DOCK1: variants seen among roughly 807,000 people sequenced by gnomAD.
DOCK1 encodes the protein dedicator of cytokinesis protein 1.
In DOCK1, 138 loss-of-function variants were observed where a neutral mutation model predicts 262.7. That is an observed-to-expected ratio of 0.53 (90% CI 0.46 to 0.61). DOCK1 has a LOEUF of 0.61. Among genes scored for constraint, DOCK1 ranks in the 20% least tolerant of loss-of-function variants. DOCK1 has a pLI of 0.00. For synonymous variants in DOCK1, 866 were observed against 867.4 expected, an observed-to-expected ratio of 1.00 and a Z score of 0.03; for missense variants, 1,908 against 2,370.7, an observed-to-expected ratio of 0.80 and a Z score of 4.05.
chr10:127,104,304 A>G (rs1337437264), intron 23 of DOCK1, among the ~76,000 whole-genome samples: 1 of 152,196 alleles, frequency 6.6e-6, no homozygotes, highest in African/African-American at 2.4e-5. Flanking sequence ...TTTTTCTTTT[A>G]CACATTGTGC....
intron 12 of DOCK1, among the ~76,000 whole-genome samples, chr10:127,016,345 G>A (rs1174101697): frequency 1.3e-5 from 2 of 152,190 alleles, no homozygotes; most frequent in African/African-American, 4.8e-5. Context: ...CTCAGCTCCA[G>A]CTAATGGAAA....
intron 49 of DOCK1, among the ~76,000 whole-genome samples, chr10:127,443,581 C>T (rs1440741007): frequency 6.6e-6 from 1 of 152,118 alleles, no homozygotes; most frequent in Non-Finnish European, 1.5e-5. Flanking sequence ...TTGATGTGCA[C>T]ACGTGGGGCT....
chr10:127,239,849 A>G (rs938067384), intron 27 of DOCK1, among the ~76,000 whole-genome samples: 6 of 152,170 alleles, frequency 3.9e-5, no homozygotes, highest in Admixed American at 3.3e-4. Context: ...GAATTATATT[A>G]AGAAGCTGCA....
At chr10:126,944,094 G>C (rs1410004905) in intron 1 of DOCK1, among the ~76,000 whole-genome samples, 1 of 151,740 alleles carries the variant, frequency 6.6e-6, no homozygotes, top group East Asian at 1.9e-4. Flanking sequence ...CAGCCGTGCA[G>C]GGGAGGTGAT....
intron 14 of DOCK1, among the ~76,000 whole-genome samples, chr10:127,024,216 T>TC (rs2042659841): frequency 6.6e-5 from 10 of 151,874 alleles, no homozygotes; most frequent in South Asian, 2.1e-4. Context: ...GGGTGAACTC[T>TC]GTCCAGCATC....
At chr10:127,160,581 T>C (rs141660976) in intron 27 of DOCK1, among the ~76,000 whole-genome samples, 5 of 152,350 alleles carry the variant, frequency 3.3e-5, no homozygotes, top group African/African-American at 9.6e-5. Context: ...GAGCAGCACG[T>C]TGGATAGTGC....
chr10:127,146,272 T>G (rs930563377), intron 27 of DOCK1, among the ~76,000 whole-genome samples: 2 of 152,218 alleles, frequency 1.3e-5, no homozygotes, highest in African/African-American at 4.8e-5. Context: ...ACTAATTGTT[T>G]CACAAATAAT....
intron 4 of DOCK1, among the ~76,000 whole-genome samples, chr10:126,982,235 G>A (rs1017047133): frequency 6.6e-6 from 1 of 152,080 alleles, no homozygotes; most frequent in Admixed American, 6.6e-5. Context: ...GAAAGCATTC[G>A]CCCTGGTGCT....
At chr10:127,127,803 G>A (rs1391435357) in intron 27 of DOCK1, 39 bp downstream of exon 27, 4 of 1,557,814 alleles carry the variant, frequency 2.6e-6, no homozygotes, top group South Asian at 1.1e-5. Flanking sequence ...ATTTAACTGG[G>A]GCTGACAGCA....
intron 10 of DOCK1, chr10:127,007,575 T>C (rs947797027): frequency 6.6e-6 from 1 of 152,230 alleles, no homozygotes; most frequent in Admixed American, 6.5e-5. Flanking sequence ...TTTCTTGTTC[T>C]GTCATGACCA....
intron 10 of DOCK1, 37 bp from the exon 11 acceptor site, chr10:127,008,695 T>C: frequency 6.5e-7 from 1 of 1,533,106 alleles, no homozygotes; most frequent in African/African-American, 1.4e-5. Context: ...TTATAGCATT[T>C]AAGCCAAAAC....
At chr10:127,000,394 T>G in intron 10 of DOCK1, 87 bp downstream of exon 10, 1 of 1,499,014 alleles carries the variant, frequency 6.7e-7, no homozygotes, top group African/African-American at 1.4e-5. Flanking sequence ...GATTGGACAA[T>G]GCACAGCTGT....
At chr10:127,180,257 G>A (rs1245118464) in intron 27 of DOCK1, among the ~76,000 whole-genome samples, 1 of 152,208 alleles carries the variant, frequency 6.6e-6, no homozygotes, top group Non-Finnish European at 1.5e-5. Context: ...GGAGCACTGA[G>A]TGAATGTTGC....
At chr10:127,335,886 T>C (rs1464639605) in intron 29 of DOCK1, among the ~76,000 whole-genome samples, 1 of 152,026 alleles carries the variant, frequency 6.6e-6, no homozygotes, top group Non-Finnish European at 1.5e-5. Flanking sequence ...GGCTAATTTT[T>C]TTGTATTTTT....
chr10:126,965,300 C>T (rs1267684551), intron 1 of DOCK1, among the ~76,000 whole-genome samples: 8 of 152,090 alleles, frequency 5.3e-5, no homozygotes, highest in African/African-American at 1.7e-4. Context: ...TTTTCAGCTG[C>T]AGAGGAGCGT....
intron 22 of DOCK1, among the ~76,000 whole-genome samples, chr10:127,060,754 G>T (rs951566418): frequency 6.6e-6 from 1 of 152,136 alleles, no homozygotes; most frequent in Non-Finnish European, 1.5e-5. Flanking sequence ...TATTGAATAT[G>T]TCCCACCTCT....
At chr10:127,162,010 G>C (rs996579205) in intron 27 of DOCK1, among the ~76,000 whole-genome samples, 1 of 152,152 alleles carries the variant, frequency 6.6e-6, no homozygotes, top group Non-Finnish European at 1.5e-5. Context: ...GTTGATGATG[G>C]GACAGGCAGT....
chr10:127,362,988 CCCCCCCACACACACACGCACAT>C (rs1565027338), intron 33 of DOCK1, among the ~76,000 whole-genome samples: 3 of 4,140 alleles, frequency 7.2e-4, no homozygotes, highest in South Asian at 0.028. Flanking sequence ...CATACACATC[CCCCCCCACACACACACGCACAT>C]CCCCACACAC....
intron 18 of DOCK1, among the ~76,000 whole-genome samples, chr10:127,034,050 G>A (rs968795530): frequency 3.3e-5 from 5 of 152,210 alleles, no homozygotes; most frequent in Admixed American, 3.3e-4. Context: ...TTACCTGGGT[G>A]TGGGATCTAT....
Sources: gnomAD v4.1 joint callset for allele counts (sites outside exome capture counted in the v4.1 genomes callset) on GRCh38, gnomAD v4.1.1 for gene constraint, MANE v1.5 for transcripts, NCBI Gene and HGNC (gene_info 2026-07-23, HGNC 2026-07-21) for gene names.